Variants in CHIC2 observed in about 807,000 individuals in gnomAD.
The protein encoded by CHIC2 is cysteine-rich hydrophobic domain-containing protein 2.
CHIC2 carries 14 observed loss-of-function variants against 25.9 expected under a neutral mutation model. That is an observed-to-expected ratio of 0.54 (90% CI 0.36 to 0.85). CHIC2 has a LOEUF of 0.85. Ranked by LOEUF, CHIC2 falls within the 40% of genes least tolerant of loss-of-function variation. The pLI is 0.01. For missense variants in CHIC2, 146 were observed against 202.0 expected, an observed-to-expected ratio of 0.72 and a Z score of 1.68; for synonymous variants, 70 against 72.0, an observed-to-expected ratio of 0.97 and a Z score of 0.14.
chr4:54,035,058 C>CAATA (rs1247940662), intron 3 of CHIC2, among the ~76,000 whole-genome samples: 2 of 152,086 alleles, frequency 1.3e-5, no homozygotes, highest in Non-Finnish European at 2.9e-5. Flanking sequence ...GATGTTAAAC[C>CAATA]AACCTTACTT....
chr4:54,035,597 T>A lies in CHIC2; in HGVS notation c.330+13358A>T, dbSNP rs143072056. Reference sequence around the variant, plus strand: ...TCATCACCTGTTTCATTCCTGAAACTTAATTTATCTCTTTCTTTCTCTTTT... The same window carrying A: ...TCATCACCTGTTTCATTCCTGAAACATAATTTATCTCTTTCTTTCTCTTTT... On this transcript the variant is annotated intron_variant, in intron 3 of 5. Transcript: ENST00000263921. Among the ~76,000 whole-genome samples the A allele has an allele frequency of 4.6e-5, 7 of 152,304 alleles. No individual in the cohort carries two copies. In the East Asian group the frequency reaches 1.3e-3, roughly 29 times the overall value.
intron 3 of CHIC2, among the ~76,000 whole-genome samples, chr4:54,045,905 C>T (rs199737394): frequency 5.5e-4 from 84 of 152,106 alleles, no homozygotes; most frequent in East Asian, 1.9e-3. Flanking sequence ...AAAACCCCAT[C>T]GTCTCAGCCC....
At chr4:54,035,297 G>C (rs1441440071) in intron 3 of CHIC2, among the ~76,000 whole-genome samples, 1 of 152,162 alleles carries the variant, frequency 6.6e-6, no homozygotes, top group Non-Finnish European at 1.5e-5. Context: ...TTCTAGAAGA[G>C]TTTGTGTAGA....
chr4:54,052,976 ATTATC>A (rs10557058), intron 1 of CHIC2, among the ~76,000 whole-genome samples: 8,879 of 152,184 alleles, frequency 0.058, 857 homozygotes, highest in African/African-American at 0.2. Flanking sequence ...GGTTAAGAAA[ATTATC>A]TTATCTCAAT....
chr4:54,064,618 C>A (rs1293519834), upstream of CHIC2: 4 of 1,118,236 alleles, frequency 3.6e-6, no homozygotes, highest in Non-Finnish European at 3.3e-6. The surrounding 1 kb of genome is among the most constrained non-coding windows in gnomAD (Gnocchi z 4.2). Context: ...AGCAACAGCC[C>A]GAGCCACCCG....
intron 1 of CHIC2, among the ~76,000 whole-genome samples, chr4:54,051,807 A>G (rs1489272376): frequency 1.3e-5 from 2 of 152,010 alleles, no homozygotes; most frequent in East Asian, 1.9e-4. Context: ...GTGAATCCTT[A>G]TTTCTTCTTC....
At position 54,024,568 on chromosome 4, in the gene CHIC2, G is replaced by A. The variant is rs150075562; in HGVS notation, c.331-10449C>T. On this transcript the variant is annotated intron_variant, in intron 3 of 5. Coordinates refer to ENST00000263921, the MANE Select transcript of CHIC2 (RefSeq NM_012110.4). ...CATTTCTTTTTTCTCCAAAATCACC[G>A]AGGCCCTGACTTACTCACTGCTAAA... Among the ~76,000 whole-genome samples, 1,252 of 151,920 alleles carry A rather than the reference G, an allele frequency of 8.2e-3. 11 individuals carry two copies. Among genetic ancestry groups the A allele is most frequent in the African/African-American group, 0.028 (1,162 of 41,392 alleles).
chr4:54,064,164 C>A lies in CHIC2; in HGVS notation c.119+18G>T. On this transcript the variant is annotated intron_variant, in intron 1 of 5. Transcript: ENST00000263921. The surrounding 1 kb of genome is among the most constrained non-coding windows in gnomAD (Gnocchi z 4.2). The stretch of plus-strand genomic sequence containing the variant: ...CCCCAGCCCGCACCTCCCGCCCTCG[C>A]CCTCCTCCGGGCCTTACACGGTGAC... 1 of 1,591,058 alleles carries A rather than the reference C, an allele frequency of 6.3e-7. No homozygotes were observed. Among genetic ancestry groups the A allele is most frequent in the Non-Finnish European group, 8.6e-7 (1 of 1,168,252 alleles).
chr4:54,012,432 TA>T (rs1320421748), intron 5 of CHIC2, among the ~76,000 whole-genome samples: 2 of 152,176 alleles, frequency 1.3e-5, no homozygotes, highest in East Asian at 3.8e-4. Context: ...ATTTTATGAA[TA>T]AATTATAGTC....
At chr4:54,079,879 C>A in the CHIC2 span, among the ~76,000 whole-genome samples, 5 of 151,508 alleles carry the variant, frequency 3.3e-5, no homozygotes, top group African/African-American at 1.2e-4. Flanking sequence ...GAAAGGGAAC[C>A]CTTATACACT....
In CHIC2 at chr4:54,053,979, C is replaced by T. The variant is rs578029171; in HGVS notation, c.120-4674G>A. On this transcript the variant is annotated intron_variant, in intron 1 of 5. Transcript: ENST00000263921. ...CTAATTTTTGTATTTTTAGTAGAGA[C>T]GGGGTTTCACCATGTTGGCCAGGCT... Among the ~76,000 whole-genome samples the T allele has an allele frequency of 2.0e-5, 3 of 152,096 alleles. No homozygotes were observed. The South Asian group carries it at 6.2e-4, about 32-fold the overall frequency.
At chr4:54,049,621 C>T (rs1363200857) in intron 1 of CHIC2, among the ~76,000 whole-genome samples, 1 of 152,048 alleles carries the variant, frequency 6.6e-6, no homozygotes, top group Non-Finnish European at 1.5e-5. Context: ...AACTACAAAG[C>T]ATATTATTTT....
At chr4:54,064,674 C>CG, upstream of CHIC2, 1 of 1,027,770 alleles carries the variant, frequency 9.7e-7, no homozygotes, top group Non-Finnish European at 1.2e-6. This position sits in a 1 kb window ranked among gnomAD's most constrained non-coding sequence, Gnocchi z 4.2. Context: ...CCCGGGCCAA[C>CG]GGGCGGGCGG....
intron 3 of CHIC2, among the ~76,000 whole-genome samples, chr4:54,042,774 C>T (rs2110079651): frequency 6.6e-6 from 1 of 152,096 alleles, no homozygotes; most frequent in South Asian, 2.1e-4. Flanking sequence ...AAAAAAGAAC[C>T]ATTTTTAGAA....
intron 3 of CHIC2, among the ~76,000 whole-genome samples, chr4:54,018,336 G>A (rs1715805020): frequency 6.6e-6 from 1 of 151,958 alleles, no homozygotes; most frequent in Admixed American, 6.6e-5. Context: ...ATGTATTTTT[G>A]TAATTTTTCC....
intron 3 of CHIC2, among the ~76,000 whole-genome samples, chr4:54,017,158 G>T (rs1715762329): frequency 6.6e-6 from 1 of 151,002 alleles, no homozygotes; most frequent in Non-Finnish European, 1.5e-5. Flanking sequence ...CTAATGAAAT[G>T]TAAGATTCAA....
upstream of CHIC2, chr4:54,064,626 C>G: frequency 9.1e-7 from 1 of 1,100,290 alleles, no homozygotes; most frequent in Non-Finnish European, 1.1e-6. This position sits in a 1 kb window ranked among gnomAD's most constrained non-coding sequence, Gnocchi z 4.2. Context: ...CCCGAGCCAC[C>G]CGCAGCGGGA....
chr4:54,077,687 G>T, the CHIC2 span, among the ~76,000 whole-genome samples: 1 of 152,234 alleles, frequency 6.6e-6, no homozygotes, highest in East Asian at 1.9e-4. Context: ...GGCTGTTGAG[G>T]CTACTACTCA....
At chr4:54,084,451 T>G in the CHIC2 span, among the ~76,000 whole-genome samples, 1 of 151,890 alleles carries the variant, frequency 6.6e-6, no homozygotes, top group African/African-American at 2.4e-5. Context: ...TAGGCCCATA[T>G]TGTTTGGAAT....
Sources: gnomAD v4.1 joint callset for allele counts (sites outside exome capture counted in the v4.1 genomes callset) on GRCh38, gnomAD v4.1.1 for gene constraint, Gnocchi (gnomAD v3.1) non-coding constraint, MANE v1.5 for transcripts, NCBI Gene and HGNC (gene_info 2026-07-23, HGNC 2026-07-21) for gene names.